Variants in CPED1 observed in about 807,000 individuals in gnomAD.
CPED1 encodes the protein cadherin like and PC-esterase domain containing 1.
CPED1 carries 114 observed loss-of-function variants against 128.2 expected under a neutral mutation model. The ratio of observed to expected loss-of-function variants is 0.89; its 90% CI spans 0.76 to 1.04. The LOEUF is 1.04. Ranked by LOEUF, CPED1 falls within the 50% of genes least tolerant of loss-of-function variation. The pLI is 0.00. For synonymous variants in CPED1, 462 were observed against 426.7 expected (o/e 1.08, Z -1.02); for missense variants, 1,211 against 1,207.1 (o/e 1.00, Z -0.05).
chr7:120,994,322 C>G (rs1006015914), intron 2 of CPED1, among the ~76,000 whole-genome samples: 1 of 152,154 alleles, frequency 6.6e-6, no homozygotes, highest in Non-Finnish European at 1.5e-5. Context: ...CCTTTCTCCT[C>G]CCGATATCTT....
In CPED1 at chr7:121,087,162, G is replaced by GT. The variant is rs989830117; in HGVS notation, c.617-10529dup. ...AATAGGAGTTGGAAATTTTAATATAGTTTTTTTTCTTTGGTTGGGGGAGGC... is the reference window on the plus strand; with the variant it reads ...AATAGGAGTTGGAAATTTTAATATAGTTTTTTTTTCTTTGGTTGGGGGAGGC... On this transcript the variant is annotated intron_variant, in intron 5 of 22. Coordinates refer to ENST00000310396, the MANE Select transcript of CPED1 (RefSeq NM_024913.5). Among the ~76,000 whole-genome samples, 9 of 152,120 alleles carry GT rather than the reference G, an allele frequency of 5.9e-5. No homozygotes were observed. The East Asian group carries it at 7.7e-4, about 13-fold the overall frequency.
At chr7:121,056,930 T>C (rs751530231) in intron 4 of CPED1, among the ~76,000 whole-genome samples, 10 of 152,152 alleles carry the variant, frequency 6.6e-5, no homozygotes, top group Non-Finnish European at 1.2e-4. Context: ...ACATTTCAAG[T>C]CCTCTCTTCT....
intron 16 of CPED1, among the ~76,000 whole-genome samples, chr7:121,171,591 C>A (rs1357804334): frequency 6.6e-6 from 1 of 152,102 alleles, no homozygotes; most frequent in Non-Finnish European, 1.5e-5. Flanking sequence ...TCTCTGGAAC[C>A]TAAACATGTT....
intron 3 of CPED1, among the ~76,000 whole-genome samples, chr7:121,039,168 T>C (rs989655449): frequency 6.6e-6 from 1 of 152,092 alleles, no homozygotes; most frequent in East Asian, 1.9e-4. Flanking sequence ...TTCATCACTA[T>C]GTATTTATTT....
chr7:121,132,346 A>G lies in CPED1; in HGVS notation c.1578-1477A>G, dbSNP rs2116339813. Among the ~76,000 whole-genome samples, 5 of 152,162 alleles carry G rather than the reference A, an allele frequency of 3.3e-5. No homozygotes were observed. The South Asian group carries it at 1.0e-3, about 32-fold the overall frequency. Reference sequence around the variant, plus strand: ...TGATGATCCAGTACATCACGCAGACAGGGAGGCCATCATTGTCCTTATCTT... The same window carrying G: ...TGATGATCCAGTACATCACGCAGACGGGGAGGCCATCATTGTCCTTATCTT... On this transcript the variant is annotated intron_variant, in intron 12 of 22. Coordinates refer to ENST00000310396, the MANE Select transcript of CPED1 (RefSeq NM_024913.5).
chr7:121,104,636 G>A (rs1794927006), intron 7 of CPED1, among the ~76,000 whole-genome samples: 1 of 152,082 alleles, frequency 6.6e-6, no homozygotes, highest in Non-Finnish European at 1.5e-5. Context: ...TTAATTCATT[G>A]TTTGATCAGC....
In CPED1 at chr7:121,296,218, G is replaced by A. The variant is rs536966325; in HGVS notation, c.*566G>A. ...TTTTATTACTGAAAGGAAAAGAACA[G>A]GAATGTTCCACAAGGGAATTTGAAG... On this transcript the variant is annotated 3_prime_UTR_variant, in exon 23 of 23. Transcript: ENST00000310396. 1 of 152,556 alleles carries A rather than the reference G, an allele frequency of 6.6e-6. No individual in the cohort carries two copies. Among genetic ancestry groups the A allele is most frequent in the African/African-American group, 2.4e-5 (1 of 41,566 alleles). 9.5% of individuals were successfully genotyped at this position (152,556 alleles called of 1,614,324 possible).
intron 5 of CPED1, among the ~76,000 whole-genome samples, chr7:121,090,160 G>A (rs753145515): frequency 4.6e-5 from 7 of 152,162 alleles, no homozygotes; most frequent in Non-Finnish European, 8.8e-5. Flanking sequence ...AAAGAAGAGC[G>A]TTCATGGCTT....
At chr7:121,032,835 A>G (rs1476244028) in intron 3 of CPED1, among the ~76,000 whole-genome samples, 1 of 152,180 alleles carries the variant, frequency 6.6e-6, no homozygotes, top group Non-Finnish European at 1.5e-5. Flanking sequence ...TGACAGAATT[A>G]TTAGCCTTAG....
At chr7:121,223,381 G>T (rs1166355627) in intron 16 of CPED1, among the ~76,000 whole-genome samples, 3 of 152,054 alleles carry the variant, frequency 2.0e-5, no homozygotes, top group Non-Finnish European at 2.9e-5. Flanking sequence ...GAGGATTTTC[G>T]CATTGATGTT....
chr7:121,213,958 C>T (rs1409844982), intron 16 of CPED1, among the ~76,000 whole-genome samples: 2 of 151,964 alleles, frequency 1.3e-5, no homozygotes, highest in Non-Finnish European at 2.9e-5. Flanking sequence ...AGTTTAGGAC[C>T]CACATTACTT....
chr7:120,990,376 G>A lies in CPED1; in HGVS notation c.249+506G>A, dbSNP rs546660323. On this transcript the variant is annotated intron_variant, in intron 2 of 22. Transcript: ENST00000310396. ...ATTTCTAAAGCAATATATTTACTTCGAAAGCATTAAAATAATAGGATAATA... is the reference window on the plus strand; with the variant it reads ...ATTTCTAAAGCAATATATTTACTTCAAAAGCATTAAAATAATAGGATAATA... Among the ~76,000 whole-genome samples the A allele has an allele frequency of 5.3e-5, 8 of 152,050 alleles. No individual in the cohort carries two copies. The East Asian group carries it at 5.8e-4, about 11-fold the overall frequency.
chr7:121,033,240 G>C (rs1222306915), intron 3 of CPED1, among the ~76,000 whole-genome samples: 1 of 152,196 alleles, frequency 6.6e-6, no homozygotes, highest in Non-Finnish European at 1.5e-5. Flanking sequence ...AATGCCTGCT[G>C]AAGAAACATG....
chr7:121,048,306 TA>T (rs1793267075), intron 4 of CPED1, among the ~76,000 whole-genome samples: 1 of 152,192 alleles, frequency 6.6e-6, no homozygotes, highest in Admixed American at 6.5e-5. Flanking sequence ...TTTTCCTCAG[TA>T]AATTCTCTCC....
At chr7:121,061,284 ATAT>A (rs1051141381) in intron 4 of CPED1, 21 of 615,870 alleles carry the variant, frequency 3.4e-5, no homozygotes, top group Admixed American at 1.3e-4. Flanking sequence ...TAGGGTTTAA[ATAT>A]TATTATCATT....
chr7:121,078,789 G>T (rs907531232), intron 5 of CPED1, among the ~76,000 whole-genome samples: 3 of 152,146 alleles, frequency 2.0e-5, no homozygotes, highest in African/African-American at 7.2e-5. Context: ...GAATGGTTGG[G>T]CTGAGGCTGC....
intron 18 of CPED1, among the ~76,000 whole-genome samples, chr7:121,264,077 G>A (rs866943972): frequency 5.9e-5 from 9 of 152,006 alleles, no homozygotes; most frequent in African/African-American, 1.9e-4. Flanking sequence ...AAGAGATTAG[G>A]ACATAGCCAC....
chr7:121,124,811 A>G (rs552171013), intron 8 of CPED1, among the ~76,000 whole-genome samples: 20 of 152,332 alleles, frequency 1.3e-4, no homozygotes, highest in African/African-American at 4.8e-4. Flanking sequence ...ACTTATACAT[A>G]ATAAATTTCA....
intron 3 of CPED1, among the ~76,000 whole-genome samples, chr7:121,028,627 C>T (rs1321380280): frequency 2.0e-5 from 3 of 152,126 alleles, no homozygotes; most frequent in Non-Finnish European, 2.9e-5. Flanking sequence ...AATATGAACA[C>T]GTTTTATTGC....
Sources: gnomAD v4.1 joint callset for allele counts (sites outside exome capture counted in the v4.1 genomes callset) on GRCh38, gnomAD v4.1.1 for gene constraint, MANE v1.5 for transcripts, NCBI Gene and HGNC (gene_info 2026-07-23, HGNC 2026-07-21) for gene names.